PIEZO2: variants seen among roughly 807,000 people sequenced by gnomAD.
PIEZO2 encodes the protein piezo type mechanosensitive ion channel component 2.
Under a neutral mutation model 337.3 loss-of-function variants are expected in PIEZO2, and 172 were observed. That is an observed-to-expected ratio of 0.51 (90% CI 0.45 to 0.58). The LOEUF (loss-of-function observed/expected upper bound fraction) is 0.58, where lower values mean the gene tolerates loss of function less well. PIEZO2 is among the 20% of genes least tolerant of loss of function. The probability of loss-of-function intolerance (pLI) is 0.00; values close to 1 mark genes in which losing one functional copy is unlikely to be tolerated. For synonymous variants in PIEZO2, 1,251 were observed against 1,228.5 expected, an observed-to-expected ratio of 1.02 and a Z score of -0.38; for missense variants, 3,028 against 3,391.3, an observed-to-expected ratio of 0.89 and a Z score of 2.66.
At chr18:10,832,163 T>C (rs1240376484) in intron 7 of PIEZO2, among the ~76,000 whole-genome samples, 2 of 152,068 alleles carry the variant, frequency 1.3e-5, no homozygotes, top group Non-Finnish European at 2.9e-5. Flanking sequence ...CCAGGTGTGG[T>C]AGTGGGCACC....
chr18:10,760,763 C>T, intron 24 of PIEZO2, 148 bp downstream of exon 24: 2 of 705,722 alleles, frequency 2.8e-6, no homozygotes, highest in South Asian at 2.0e-5. Flanking sequence ...GCCAGTTAAC[C>T]ATCAGTACAA....
rs1303103154 is a variant in PIEZO2, at chr18:11,003,675, A to G, written c.161-24015T>C. Among the ~76,000 whole-genome samples the G allele has an allele frequency of 6.6e-6, 1 of 152,186 alleles. No homozygotes were observed. The highest frequency in any genetic ancestry group is 1.9e-4 in the East Asian group (1 of 5,176). On this transcript the variant is annotated intron_variant, in intron 2 of 55. Transcript: ENST00000674853. This position sits in a 1 kb window ranked among gnomAD's most constrained non-coding sequence, Gnocchi z 4.6. Reference sequence around the variant, plus strand: ...CAGTACACCGTCCCATCTTGGGCACACTCACATACTAGCACACAGACTGGG... The same window carrying G: ...CAGTACACCGTCCCATCTTGGGCACGCTCACATACTAGCACACAGACTGGG...
Position 10,671,644 on chromosome 18 carries a change from A to T in PIEZO2, c.8481T>A (p.Ile2827=), listed in dbSNP as rs757104382. ...GTTCTCCTGTCTCTCGAACTAAAAA[A>T]ATATCTGTGCACAACTTCAAAATTC... ...VDRILKLCTD[I]FLVRETGELE... Residue 2827 remains isoleucine, a synonymous_variant, in exon 56 of 56, where the codon ATT becomes ATA. Coordinates refer to ENST00000674853, the MANE Select transcript of PIEZO2 (RefSeq NM_001378183.1). 1.9e-6 allele frequency: 3 copies of T among 1,613,954 alleles called. No individual in the cohort carries two copies. Among genetic ancestry groups the T allele is most frequent in the East Asian group, 2.2e-5 (1 of 44,850 alleles).
chr18:10,853,341 C>T lies in PIEZO2; in HGVS notation c.917+2012G>A, dbSNP rs543623209. Among the ~76,000 whole-genome samples the T allele has an allele frequency of 6.6e-6, 1 of 152,224 alleles. No individual in the cohort carries two copies. The highest frequency in any genetic ancestry group is 2.4e-5 in the African/African-American group (1 of 41,452). ...GATCTCAAGTCGCCTGCTTAGCCCACTTCCAAGTGTACTTCACTTCCTTTC... is the reference window on the plus strand; with the variant it reads ...GATCTCAAGTCGCCTGCTTAGCCCATTTCCAAGTGTACTTCACTTCCTTTC... On this transcript the variant is annotated intron_variant, in intron 7 of 55. Coordinates refer to ENST00000674853, the MANE Select transcript of PIEZO2 (RefSeq NM_001378183.1). This position sits in a 1 kb window ranked among gnomAD's most constrained non-coding sequence, Gnocchi z 4.2.
rs928498031 is a variant in PIEZO2 at position 10,952,221 on chromosome 18, C to A, written c.286+27314G>T. On this transcript the variant is annotated intron_variant, in intron 3 of 55. Coordinates refer to ENST00000674853, the MANE Select transcript of PIEZO2 (RefSeq NM_001378183.1). This position sits in a 1 kb window ranked among gnomAD's most constrained non-coding sequence, Gnocchi z 4.1. ...CTGTGGTCGCTGGCTCTTTTTAAAT[C>A]ATTTTTTTTCTTATTAGATTATAAG... Among the ~76,000 whole-genome samples, 71 of 152,078 alleles carry A rather than the reference C, an allele frequency of 4.7e-4. 1 individual carries two copies. Among genetic ancestry groups the A allele is most frequent in the African/African-American group, 1.7e-3 (70 of 41,406 alleles).
intron 5 of PIEZO2, among the ~76,000 whole-genome samples, chr18:10,866,873 C>G (rs765978162): frequency 6.6e-6 from 1 of 152,142 alleles, no homozygotes; most frequent in Non-Finnish European, 1.5e-5. Flanking sequence ...AGGAGTAAAA[C>G]CTTTGTCCAA....
chr18:11,108,531 T>G (rs550495082), intron 1 of PIEZO2, among the ~76,000 whole-genome samples: 4 of 146,890 alleles, frequency 2.7e-5, no homozygotes, highest in Non-Finnish European at 4.4e-5. Context: ...GGAGAATGGC[T>G]TGAACCCGGG....
chr18:10,885,803 A>G (rs1178544779), intron 4 of PIEZO2, among the ~76,000 whole-genome samples: 12 of 152,214 alleles, frequency 7.9e-5, no homozygotes. Flanking sequence ...ATTTGAGAGT[A>G]AACCAAGCTA....
rs2042332060 is a variant in PIEZO2, at chr18:10,878,742, A to T, written c.330-7327T>A. On this transcript the variant is annotated intron_variant, in intron 4 of 55. Coordinates refer to ENST00000674853, the MANE Select transcript of PIEZO2 (RefSeq NM_001378183.1). The surrounding 1 kb of genome is among the most constrained non-coding windows in gnomAD (Gnocchi z 4.3). ...ATATATGAAGGAAGTAAAGTCAGAA[A>T]CACAGGGTAAGGTCAGACCATACAA... is the stretch of plus-strand genomic sequence containing the variant. Among the ~76,000 whole-genome samples, 1 of 152,082 alleles carries T rather than the reference A, an allele frequency of 6.6e-6. No individual in the cohort carries two copies. Among genetic ancestry groups the T allele is most frequent in the Middle Eastern group, 3.2e-3 (1 of 316 alleles).
chr18:10,761,507 A>T (rs564469143), intron 23 of PIEZO2, among the ~76,000 whole-genome samples: 1 of 152,212 alleles, frequency 6.6e-6, no homozygotes, highest in Non-Finnish European at 1.5e-5. Context: ...GAAGCTGCTT[A>T]GGGGGAAGCT....
chr18:11,028,064 C>T lies in PIEZO2; in HGVS notation c.160+38063G>A, dbSNP rs947892505. Among the ~76,000 whole-genome samples the T allele has an allele frequency of 3.9e-5, 6 of 152,110 alleles. No homozygotes were observed. Among genetic ancestry groups the T allele is most frequent in the African/African-American group, 9.7e-5 (4 of 41,386 alleles). ...TAGTCCAAGCACCGTCACAGAGGGA[C>T]AAGCAGTAGCTGCTTCTGTTGCTAG... is the stretch of plus-strand genomic sequence containing the variant. On this transcript the variant is annotated intron_variant, in intron 2 of 55. Coordinates refer to ENST00000674853, the MANE Select transcript of PIEZO2 (RefSeq NM_001378183.1). The surrounding 1 kb of genome is among the most constrained non-coding windows in gnomAD (Gnocchi z 4.8).
chr18:10,851,649 T>A (rs9676224), intron 7 of PIEZO2, among the ~76,000 whole-genome samples: 1 of 152,230 alleles, frequency 6.6e-6, no homozygotes, highest in Admixed American at 6.5e-5. Flanking sequence ...TAATGATTTT[T>A]ACATTTTTAA....
intron 3 of PIEZO2, among the ~76,000 whole-genome samples, chr18:10,914,556 C>T (rs1488124678): frequency 6.6e-6 from 1 of 152,092 alleles, no homozygotes; most frequent in African/African-American, 2.4e-5. Flanking sequence ...CTGCTTTTTA[C>T]ATTTGTATTG....
At chr18:10,911,567 C>T (rs1382165431) in intron 3 of PIEZO2, among the ~76,000 whole-genome samples, 2 of 151,904 alleles carry the variant, frequency 1.3e-5, no homozygotes, top group Non-Finnish European at 2.9e-5. Flanking sequence ...CCAGCCTGGC[C>T]AACATGGTGA....
chr18:10,925,871 AG>A (rs2031700588), intron 3 of PIEZO2, among the ~76,000 whole-genome samples: 1 of 149,560 alleles, frequency 6.7e-6, no homozygotes, highest in Non-Finnish European at 1.5e-5. Context: ...CCTGGCCAAA[AG>A]TTTTTTAATG....
chr18:10,964,865 G>T (rs1427516977), intron 3 of PIEZO2, among the ~76,000 whole-genome samples: 2 of 152,178 alleles, frequency 1.3e-5, no homozygotes, highest in Non-Finnish European at 2.9e-5. Context: ...TGTGAACTTG[G>T]TGTCTGGCTC....
At chr18:11,051,751 A>G (rs6505609) in intron 2 of PIEZO2, among the ~76,000 whole-genome samples, 65,200 of 152,010 alleles carry the variant, frequency 0.43, 15,012 homozygotes, top group Non-Finnish European at 0.53. Context: ...ATTGTGAGTA[A>G]ATGGAAGGAT....
intron 1 of PIEZO2, among the ~76,000 whole-genome samples, chr18:11,072,996 G>C (rs2038401232): frequency 6.6e-6 from 1 of 152,198 alleles, no homozygotes; most frequent in Non-Finnish European, 1.5e-5. Flanking sequence ...TATGTATGTT[G>C]TTGTTTCAAA....
At position 10,781,046 on chromosome 18, in the gene PIEZO2, A is replaced by C. The variant is rs534942698; in HGVS notation, c.2493-680T>G. ...CAGAATTAAAAAAAAAAAGGATCCT[A>C]CTCAGCGGCCATATTCAACATGTTG... On this transcript the variant is annotated intron_variant, in intron 17 of 55. Transcript: ENST00000674853. This position sits in a 1 kb window ranked among gnomAD's most constrained non-coding sequence, Gnocchi z 4.1. Among the ~76,000 whole-genome samples, 2 of 151,926 alleles carry C rather than the reference A, an allele frequency of 1.3e-5. No individual in the cohort carries two copies. The highest frequency in any genetic ancestry group is 4.2e-4 in the South Asian group (2 of 4,816).
Sources: allele counts gnomAD v4.1 joint callset (sites outside exome capture counted in the v4.1 genomes callset), GRCh38; gene constraint gnomAD v4.1.1; non-coding constraint Gnocchi (gnomAD v3.1); transcripts MANE v1.5; gene names NCBI Gene and HGNC (gene_info 2026-07-23, HGNC 2026-07-21).